LRRFIP2: variants seen among roughly 807,000 people sequenced by gnomAD.
The protein encoded by LRRFIP2 is LRR binding FLII interacting protein 2.
LRRFIP2 carries 109 observed loss-of-function variants against 125.9 expected under a neutral mutation model. That is an observed-to-expected ratio of 0.87 (90% CI 0.74 to 1.01). The LOEUF (loss-of-function observed/expected upper bound fraction) is 1.01, where lower values mean the gene tolerates loss of function less well. Among genes scored for constraint, LRRFIP2 ranks in the 50% least tolerant of loss-of-function variants. LRRFIP2 has a pLI of 0.00. For synonymous variants in LRRFIP2, 291 were observed against 293.1 expected (o/e 0.99, Z 0.07); for missense variants, 850 against 862.3 (o/e 0.99, Z 0.18).
chr3:37,112,781 T>C (rs116524888), intron 8 of LRRFIP2, 134 bp downstream of exon 8: 121 of 534,232 alleles, frequency 2.3e-4, no homozygotes, highest in African/African-American at 1.7e-3. Flanking sequence ...AAATTATTTT[T>C]AAATTTCTGA....
At chr3:37,135,546 C>A (rs1273744443) in intron 2 of LRRFIP2, among the ~76,000 whole-genome samples, 1 of 151,544 alleles carries the variant, frequency 6.6e-6, no homozygotes, top group Non-Finnish European at 1.5e-5. Context: ...CCTTTACCAT[C>A]ATAATTTTGT....
chr3:37,175,085 T>C (rs2096639427), upstream of LRRFIP2: 1 of 152,268 alleles, frequency 6.6e-6, no homozygotes, highest in Non-Finnish European at 1.5e-5. Context: ...CTTTTTCATA[T>C]AGATTTATCC....
intron 1 of LRRFIP2, among the ~76,000 whole-genome samples, chr3:37,166,461 G>A (rs2096491546): frequency 6.6e-6 from 1 of 152,108 alleles, no homozygotes; most frequent in Non-Finnish European, 1.5e-5. Flanking sequence ...ATAAAGGATT[G>A]ATATAAAGAA....
intron 26 of LRRFIP2, 104 bp downstream of exon 26, chr3:37,054,982 A>AT: frequency 1.4e-6 from 1 of 717,082 alleles, no homozygotes; most frequent in Non-Finnish European, 2.4e-6. Context: ...ATACAGAACT[A>AT]TTATTGATCC....
chr3:37,080,718 A>G lies in LRRFIP2; in HGVS notation c.1278+2918T>C, dbSNP rs1559747981. On this transcript the variant is annotated intron_variant, in intron 19 of 27. Transcript: ENST00000336686. ...GGACGAAAACGGAAAAACTTGTAAG[A>G]CTGGGAAATATTAAGCAACCCAGTT... Among the ~76,000 whole-genome samples, 3 of 152,274 alleles carry G rather than the reference A, an allele frequency of 2.0e-5. No individual in the cohort carries two copies. In the East Asian group the frequency reaches 5.8e-4, roughly 29 times the overall value.
At chr3:37,127,399 T>A (rs538611568) in intron 4 of LRRFIP2, among the ~76,000 whole-genome samples, 5 of 152,282 alleles carry the variant, frequency 3.3e-5, no homozygotes, top group Non-Finnish European at 7.4e-5. Flanking sequence ...TTTCTCACTC[T>A]TTCTTGATCA....
chr3:37,118,562 C>T (rs1379250304), intron 6 of LRRFIP2, among the ~76,000 whole-genome samples: 3 of 152,204 alleles, frequency 2.0e-5, no homozygotes, highest in Non-Finnish European at 1.5e-5. Context: ...CTACCATTCA[C>T]AGTCTTGAAC....
At chr3:37,133,123 G>A (rs893719828) in intron 2 of LRRFIP2, among the ~76,000 whole-genome samples, 2 of 152,224 alleles carry the variant, frequency 1.3e-5, no homozygotes, top group African/African-American at 4.8e-5. Context: ...TACTCCAGAG[G>A]CTGAGGCATG....
chr3:37,172,238 T>C (rs1243573433), intron 1 of LRRFIP2, among the ~76,000 whole-genome samples: 1 of 152,240 alleles, frequency 6.6e-6, no homozygotes, highest in East Asian at 1.9e-4. Context: ...ATTACAGCAG[T>C]GTTTGTAGAA....
In LRRFIP2 at chr3:37,114,510, T is replaced by C. The variant is rs115474710; in HGVS notation, c.372+544A>G. ...AAGATATATTACTACCAGCTGGGCA[T>C]GATGGCTCACATATGTAATCCCATC... On this transcript the variant is annotated intron_variant, in intron 7 of 27. Coordinates refer to ENST00000336686, the MANE Select transcript of LRRFIP2 (RefSeq NM_006309.4). Among the ~76,000 whole-genome samples, 982 of 152,232 alleles carry C rather than the reference T, an allele frequency of 6.5e-3. 10 individuals carry two copies. The highest frequency in any genetic ancestry group is 0.022 in the African/African-American group (929 of 41,546).
At chr3:37,083,930 TG>T in intron 18 of LRRFIP2, 124 bp from the exon 19 acceptor site, 1 of 679,602 alleles carries the variant, frequency 1.5e-6, no homozygotes, top group Non-Finnish European at 2.3e-6. Context: ...ACAAGCGGTT[TG>T]GGGAACTCCT....
At position 37,083,670 on chromosome 3, in the gene LRRFIP2, G is replaced by T. The variant is rs768267094; in HGVS notation, c.1244C>A (p.Ala415Glu). The change falls in exon 19 of 28, where the codon GCA becomes GAA. Residue 415 changes from alanine (A) to glutamate (E), a missense_variant. Transcript: ENST00000336686. The stretch of plus-strand genomic sequence containing the variant: ...TTCTTCATTTTCTCTATAAAATTCT[G>T]CCATCTGTTCCTCCTGCTCTTCAAT... ...DVIEEQEEQM[A>E]EFYRENEEKS... 5 of 1,564,384 alleles carry T rather than the reference G, an allele frequency of 3.2e-6. No individual in the cohort carries two copies. The Admixed American group carries it at 6.3e-5, about 20-fold the overall frequency.
At chr3:37,059,429 G>A (rs893067650) in intron 24 of LRRFIP2, among the ~76,000 whole-genome samples, 2 of 152,198 alleles carry the variant, frequency 1.3e-5, no homozygotes, top group Non-Finnish European at 2.9e-5. Flanking sequence ...GATTCCATGA[G>A]CAGTTTTTTG....
intron 4 of LRRFIP2, among the ~76,000 whole-genome samples, chr3:37,125,032 A>C (rs188265840): frequency 1.1e-5 from 1 of 89,976 alleles, no homozygotes; most frequent in Non-Finnish European, 2.2e-5. Flanking sequence ...AGACTGGACA[A>C]ACAGTACAAC....
chr3:37,124,372 A>G (rs929406649), intron 4 of LRRFIP2, among the ~76,000 whole-genome samples: 46 of 152,190 alleles, frequency 3.0e-4, no homozygotes, highest in Non-Finnish European at 6.0e-4. Context: ...AACGTTCAAA[A>G]CACATATTCT....
rs772472910 is a variant in LRRFIP2 at position 37,066,315 on chromosome 3, T to A, written c.1475A>T (p.Lys492Ile). ...WKDKKIGALE[K>I]QKEYIACLRN... The stretch of plus-strand genomic sequence containing the variant: ...AAGGCAGGCAATGTATTCTTTCTGT[T>A]TCTCTAGGGCCTGGTTTTAGGTAAG... Residue 492 changes from lysine to isoleucine, a missense_variant, in exon 22 of 28, where the codon AAA becomes ATA. By Grantham distance (102) the Lys-to-Ile change is moderately radical. Transcript: ENST00000336686. 23 of 1,614,040 alleles carry A rather than the reference T, an allele frequency of 1.4e-5. No individual in the cohort carries two copies. In the South Asian group the frequency reaches 2.3e-4, roughly 16 times the overall value.
intron 1 of LRRFIP2, among the ~76,000 whole-genome samples, chr3:37,167,653 C>CAAAA (rs533367910): frequency 1.3e-5 from 1 of 74,512 alleles, no homozygotes. Context: ...CACTCTGTCT[C>CAAAA]AAAAAAAAAA....
chr3:37,121,748 G>C (rs1428444519), intron 4 of LRRFIP2, 57 bp from the exon 5 acceptor site: 4 of 1,521,692 alleles, frequency 2.6e-6, no homozygotes, highest in Non-Finnish European at 3.6e-6. Context: ...TTGTTTATCA[G>C]AACAACTGAG....
chr3:37,143,025 G>A (rs2095754522), intron 2 of LRRFIP2, among the ~76,000 whole-genome samples: 1 of 152,082 alleles, frequency 6.6e-6, no homozygotes, highest in African/African-American at 2.4e-5. Flanking sequence ...AGATCTGGCT[G>A]TCCCCCTTGC....
Sources: allele counts gnomAD v4.1 joint callset (sites outside exome capture counted in the v4.1 genomes callset), GRCh38; gene constraint gnomAD v4.1.1; transcripts MANE v1.5; gene names NCBI Gene and HGNC (gene_info 2026-07-23, HGNC 2026-07-21).